KIR3DL2: variants seen among roughly 807,000 people sequenced by gnomAD.
The protein encoded by KIR3DL2 is killer cell immunoglobulin like receptor, three Ig domains and long cytoplasmic tail 2.
A neutral mutation model predicts 41.6 loss-of-function variants in KIR3DL2; 42 were observed. That is an observed-to-expected ratio of 1.01 (90% CI 0.79 to 1.31). KIR3DL2 has a LOEUF of 1.31. KIR3DL2 is among the 50% of genes most tolerant of loss of function. KIR3DL2 has a pLI of 0.00. For synonymous variants in KIR3DL2, 230 were observed against 221.3 expected (o/e 1.04, Z -0.35); for missense variants, 728 against 576.8 (o/e 1.26, Z -2.68).
At chr19:54,853,658 C>A in intron 3 of KIR3DL2, 89 bp from the exon 4 acceptor site, 2 of 1,461,000 alleles carry the variant, frequency 1.4e-6, no homozygotes, top group Admixed American at 1.8e-5. Context: ...AGAGACAGAC[C>A]TCTGGGAGGG....
intron 1 of KIR3DL2, among the ~76,000 whole-genome samples, chr19:54,851,000 G>T (rs1162237267): frequency 6.6e-6 from 1 of 151,100 alleles, no homozygotes; most frequent in Admixed American, 6.6e-5. Flanking sequence ...GTGGAGATAT[G>T]GGCCTGGAGT....
At chr19:54,855,061 A>ATGATGAAGAT (rs1556681190) in intron 4 of KIR3DL2, among the ~76,000 whole-genome samples, 18 of 148,272 alleles carry the variant, frequency 1.2e-4, no homozygotes, top group East Asian at 1.0e-3. Flanking sequence ...GATGATGATG[A>ATGATGAAGAT]AGATAGATAG....
At chr19:54,858,703 G>T (rs2064968360) in intron 5 of KIR3DL2, among the ~76,000 whole-genome samples, 1 of 151,392 alleles carries the variant, frequency 6.6e-6, no homozygotes, top group East Asian at 1.9e-4. Context: ...ACTCCAGCCT[G>T]CATGACAGAG....
intron 6 of KIR3DL2, among the ~76,000 whole-genome samples, chr19:54,859,481 G>GA (rs1263781297): frequency 1.5e-4 from 23 of 151,992 alleles, no homozygotes; most frequent in East Asian, 7.7e-4. Context: ...TGATGAGGGT[G>GA]GGTGTTTTAG....
intron 2 of KIR3DL2, 69 bp downstream of exon 2, chr19:54,851,324 A>T (rs1400316981): frequency 2.0e-6 from 3 of 1,527,654 alleles, no homozygotes; most frequent in Non-Finnish European, 2.7e-6. Context: ...ACAGGAGGGA[A>T]GTCCTGTCGG....
chr19:54,852,379 A>C, intron 3 of KIR3DL2, 97 bp downstream of exon 3: 1 of 1,485,954 alleles, frequency 6.7e-7, no homozygotes, highest in Non-Finnish European at 9.0e-7. Flanking sequence ...CCCAGGCCCC[A>C]ACTGTATTTG....
At position 54,850,443 on chromosome 19, in the gene KIR3DL2, G is replaced by A; in HGVS notation, c.-33G>A. 1.2e-6 allele frequency: 2 copies of A among 1,607,546 alleles called. No homozygotes were observed. On this transcript the variant is annotated 5_prime_UTR_variant, in exon 1 of 9. Coordinates refer to ENST00000326321, the MANE Select transcript of KIR3DL2 (RefSeq NM_006737.4). ...ATCCTGTGCGCTGCTGAGCTGAGCT[G>A]GGGCGCGGCCTCCTGTCTGCACCGG...
In KIR3DL2 at chr19:54,851,242, C is replaced by CT. The variant is rs537819992; in HGVS notation, c.58dup (p.Trp20LeufsTer37). On this transcript the variant is annotated frameshift_variant, in exon 2 of 9. Transcript: ENST00000326321. LOFTEE classifies it high-confidence loss of function. Reference sequence around the variant, plus strand: ...CAGGGTTCTTCTTGCTGCAGGGGGCCTGGCCACTCATGGGTGAGTCCGTCC... The same window carrying CT: ...CAGGGTTCTTCTTGCTGCAGGGGGCCTTGGCCACTCATGGGTGAGTCCGTCC... 5.0e-6 allele frequency: 8 copies of CT among 1,609,940 alleles called. No homozygotes were observed. The African/African-American group carries it at 9.5e-5, about 19-fold the overall frequency.
chr19:54,861,986 G>A (rs755054182), intron 6 of KIR3DL2, among the ~76,000 whole-genome samples: 4 of 151,844 alleles, frequency 2.6e-5, no homozygotes, highest in Admixed American at 6.6e-5. Context: ...GGAGGTAAAC[G>A]CTAATACTCC....
intron 6 of KIR3DL2, among the ~76,000 whole-genome samples, chr19:54,860,641 C>G (rs992633069): frequency 3.3e-5 from 5 of 151,880 alleles, no homozygotes; most frequent in African/African-American, 4.8e-5. Flanking sequence ...TCCCAACACG[C>G]TGGGATAAGA....
At chr19:54,852,470 A>T (rs143448689) in intron 3 of KIR3DL2, among the ~76,000 whole-genome samples, 188 bp downstream of exon 3, 12,377 of 135,362 alleles carry the variant, frequency 0.091, 599 homozygotes, top group South Asian at 0.16. Flanking sequence ...TACATTGTAA[A>T]CCCTGGAGCC....
At chr19:54,854,170 G>T in intron 4 of KIR3DL2, 124 bp downstream of exon 4, 2 of 1,210,616 alleles carry the variant, frequency 1.7e-6, no homozygotes, top group South Asian at 2.4e-5. Flanking sequence ...AGACTGACTC[G>T]GTGAGGTCTG....
At chr19:54,856,708 CT>C (rs1205505649) in intron 5 of KIR3DL2, among the ~76,000 whole-genome samples, 4 of 151,482 alleles carry the variant, frequency 2.6e-5, no homozygotes, top group Admixed American at 6.6e-5. Context: ...CATCTATATT[CT>C]TTTTTTTGTT....
intron 5 of KIR3DL2, 37 bp from the exon 6 acceptor site, chr19:54,859,042 C>A: frequency 6.2e-7 from 1 of 1,606,084 alleles, no homozygotes; most frequent in Non-Finnish European, 8.5e-7. Flanking sequence ...GGACAAGCAC[C>A]CTCATTTCCT....
rs1390343298 is a variant in KIR3DL2 at position 54,860,425 on chromosome 19, C to T, written c.1000+1296C>T. Among the ~76,000 whole-genome samples, 7 of 152,010 alleles carry T rather than the reference C, an allele frequency of 4.6e-5. No individual in the cohort carries two copies. In the South Asian group the frequency reaches 6.2e-4, roughly 14 times the overall value. On this transcript the variant is annotated intron_variant, in intron 6 of 8. Transcript: ENST00000326321. The stretch of plus-strand genomic sequence containing the variant: ...TTGCTCTGTCGTCCAGGCTAGAGTG[C>T]GGTGGCATGATCTCGGCTCACTGCA...
chr19:54,855,397 C>T (rs772337352), intron 4 of KIR3DL2, among the ~76,000 whole-genome samples: 22 of 151,352 alleles, frequency 1.5e-4, no homozygotes, highest in Admixed American at 6.6e-4. Context: ...ATAAAACAAT[C>T]CAAAAAGGGA....
At chr19:54,856,783 C>A (rs1427533739) in intron 5 of KIR3DL2, among the ~76,000 whole-genome samples, 2 of 151,892 alleles carry the variant, frequency 1.3e-5, no homozygotes, top group Admixed American at 6.5e-5. Context: ...TTCATGAGAT[C>A]CACCTTTTAT....
At chr19:54,851,336 G>T in intron 2 of KIR3DL2, 81 bp downstream of exon 2, 1 of 1,488,512 alleles carries the variant, frequency 6.7e-7, no homozygotes, top group South Asian at 1.1e-5. Flanking sequence ...TCCTGTCGGG[G>T]AGTCTCTCAT....
intron 1 of KIR3DL2, among the ~76,000 whole-genome samples, 164 bp from the exon 2 acceptor site, chr19:54,851,056 C>G (rs1177207783): frequency 6.9e-6 from 1 of 145,448 alleles, no homozygotes; most frequent in African/African-American, 2.6e-5. Context: ...GAGCCTGGGT[C>G]TCTCCACAGC....
Sources: allele counts gnomAD v4.1 joint callset (sites outside exome capture counted in the v4.1 genomes callset), GRCh38; gene constraint gnomAD v4.1.1; transcripts MANE v1.5; gene names NCBI Gene and HGNC (gene_info 2026-07-23, HGNC 2026-07-21).